Variants in SMARCA1 observed in about 807,000 individuals in gnomAD.
SMARCA1 encodes SNF2 related chromatin remodeling ATPase 1, also known as SWI/SNF-related matrix-associated actin-dependent regulator of chromatin subfamily A member 1.
A neutral mutation model predicts 93.6 loss-of-function variants in SMARCA1; 17 were observed. The observed-to-expected ratio is 0.18, with a 90% CI of 0.12 to 0.27. The LOEUF (loss-of-function observed/expected upper bound fraction) is 0.27. SMARCA1 is among the 10% of genes least tolerant of loss of function. The pLI is 1.00. For missense variants in SMARCA1, 630 were observed against 819.0 expected (o/e 0.77, Z 2.82); for synonymous variants, 271 against 271.4 (o/e 1.00, Z 0.01).
intron 23 of SMARCA1, among the ~76,000 whole-genome samples, chrX:129,460,415 C>T (rs1190596223): frequency 1.8e-5 from 2 of 109,804 alleles, no homozygotes; most frequent in South Asian, 4.0e-4. Flanking sequence ...TGGGAGACCG[C>T]GAGGTGGGAG....
chrX:129,513,317 G>A (rs1205914790), intron 5 of SMARCA1, among the ~76,000 whole-genome samples: 1 of 109,315 alleles, frequency 9.1e-6, no homozygotes, highest in Non-Finnish European at 1.9e-5. Context: ...CTGAAGTCAG[G>A]AGTTTGAGAA....
chrX:129,458,320 G>A (rs1381938558), intron 23 of SMARCA1, among the ~76,000 whole-genome samples: 2 of 112,100 alleles, frequency 1.8e-5, no homozygotes, highest in Admixed American at 9.5e-5. Flanking sequence ...ACAGGTGGGG[G>A]GCCACAGTTT....
chrX:129,485,027 T>C (rs1576284), intron 17 of SMARCA1, among the ~76,000 whole-genome samples: 6,389 of 112,053 alleles, frequency 0.057, 372 homozygotes, highest in African/African-American at 0.17. Flanking sequence ...AAATGTGAGG[T>C]TGGAACTCCT....
intron 19 of SMARCA1, among the ~76,000 whole-genome samples, chrX:129,480,298 A>T (rs753161320): frequency 8.9e-6 from 1 of 112,331 alleles, no homozygotes; most frequent in South Asian, 3.7e-4. Context: ...GGCTTTCAGC[A>T]ACGTATAGGC....
At chrX:129,454,043 A>T (rs1202845653) in intron 23 of SMARCA1, among the ~76,000 whole-genome samples, 1 of 111,978 alleles carries the variant, frequency 8.9e-6, no homozygotes, top group Non-Finnish European at 1.9e-5. Flanking sequence ...TTCAAACTAT[A>T]CTACAAGGCT....
At chrX:129,465,348 T>G (rs1044083615) in intron 23 of SMARCA1, among the ~76,000 whole-genome samples, 172 bp downstream of exon 23, 8 of 111,568 alleles carry the variant, frequency 7.2e-5, no homozygotes, top group Admixed American at 2.9e-4. Context: ...AAATATAGAT[T>G]CTGCACGTAT....
intron 1 of SMARCA1, among the ~76,000 whole-genome samples, chrX:129,520,305 G>C (rs1935344468): frequency 9.0e-6 from 1 of 110,522 alleles, no homozygotes; most frequent in Admixed American, 9.7e-5. Flanking sequence ...AAAATGGCTT[G>C]TTTTAAAGAC....
At chrX:129,504,835 A>G in intron 8 of SMARCA1, 33 bp from the exon 9 acceptor site, 1 of 952,130 alleles carries the variant, frequency 1.1e-6, no homozygotes, top group African/African-American at 1.9e-5. Context: ...CAATGAGTGC[A>G]CAGTTTTTTT....
chrX:129,489,321 CTT>C (rs1333866488), intron 15 of SMARCA1, among the ~76,000 whole-genome samples: 1 of 112,087 alleles, frequency 8.9e-6, no homozygotes, highest in Non-Finnish European at 1.9e-5. Flanking sequence ...AGGACAGAAA[CTT>C]TTTTTCATGT....
intron 19 of SMARCA1, among the ~76,000 whole-genome samples, chrX:129,471,873 G>A (rs772214095): frequency 1.8e-5 from 2 of 112,005 alleles, no homozygotes; most frequent in Non-Finnish European, 3.8e-5. Flanking sequence ...GAATATAAGA[G>A]GGAAGGGTAT....
Position 129,492,110 on chromosome X carries a change from T to C in SMARCA1, c.1663-17A>G, listed in dbSNP as rs374217022. The C allele has an allele frequency of 2.9e-5, 30 of 1,034,577 alleles. No homozygotes were observed. Among genetic ancestry groups the C allele is most frequent in the Non-Finnish European group, 3.6e-5 (27 of 748,089 alleles). The allele number at this position is 1,034,577 out of a possible 1,213,427, so 85.3% of individuals were successfully genotyped here. On this transcript the variant is annotated splice_polypyrimidine_tract_variant and intron_variant, in intron 13 of 24. Transcript: ENST00000371121. ...TATTGCTTCCTTTATTTTTTATTGA[T>C]AAAGGGATAGAAGAAAAAGAGAAAA...
At chrX:129,505,238 C>T (rs1408522472) in intron 8 of SMARCA1, among the ~76,000 whole-genome samples, 4 of 111,943 alleles carry the variant, frequency 3.6e-5, no homozygotes, top group African/African-American at 6.5e-5. Flanking sequence ...GGGCCAGGTA[C>T]GGTGGCTCAC....
In SMARCA1 at chrX:129,515,774, C is replaced by A; in HGVS notation, c.543G>T (p.Gly181=). 8.4e-7 allele frequency: 1 copy of A among 1,196,058 alleles called. No homozygotes were observed. The highest frequency in any genetic ancestry group is 1.1e-6 in the Non-Finnish European group (1 of 881,345). ...FEVSPSYVKG[G]PLRDYQIRGL... ...CTCGAATCTGATAATCTCTCAGTGG[C>A]CCCCCTTTCACATCTGGTGAAAAAA... is the stretch of plus-strand genomic sequence containing the variant. The change falls in exon 5 of 25, where the codon GGG becomes GGT. Residue 181 remains glycine (G), a synonymous_variant. Coordinates refer to ENST00000371121, the MANE Select transcript of SMARCA1 (RefSeq NM_001282874.2).
At chrX:129,480,943 A>C in intron 18 of SMARCA1, 129 bp from the exon 19 acceptor site, 1 of 568,181 alleles carries the variant, frequency 1.8e-6, no homozygotes, top group Non-Finnish European at 2.8e-6. Context: ...GCTGGGCCAA[A>C]TCAGATACTT....
chrX:129,518,482 G>T (rs1386374610), intron 1 of SMARCA1, 35 bp from the exon 2 acceptor site: 1 of 943,376 alleles, frequency 1.1e-6, no homozygotes, highest in South Asian at 2.1e-5. Context: ...TCACCAAATT[G>T]CAAAGCAAGG....
chrX:129,513,521 T>C (rs1468512100), intron 5 of SMARCA1, among the ~76,000 whole-genome samples: 1 of 92,812 alleles, frequency 1.1e-5, no homozygotes, highest in Non-Finnish European at 2.0e-5. Context: ...CAAAACTCCA[T>C]CTCAAAAAAA....
At chrX:129,452,495 T>G (rs1300359549) in intron 23 of SMARCA1, among the ~76,000 whole-genome samples, 1 of 112,490 alleles carries the variant, frequency 8.9e-6, no homozygotes, top group Non-Finnish European at 1.9e-5. Context: ...TATGTTCAAA[T>G]GTGTATGGGA....
At chrX:129,497,136 T>G (rs778079367) in intron 11 of SMARCA1, among the ~76,000 whole-genome samples, 11 of 110,896 alleles carry the variant, frequency 9.9e-5, no homozygotes, top group Non-Finnish European at 1.7e-4. Flanking sequence ...AAGATTGCCT[T>G]TACTTTTTCT....
intron 23 of SMARCA1, among the ~76,000 whole-genome samples, chrX:129,452,946 T>C (rs1932382144): frequency 8.9e-6 from 1 of 112,077 alleles, no homozygotes; most frequent in African/African-American, 3.2e-5. Context: ...AAGATCATTA[T>C]TATTATATCT....
Sources: allele counts gnomAD v4.1 joint callset (sites outside exome capture counted in the v4.1 genomes callset), GRCh38; gene constraint gnomAD v4.1.1; transcripts MANE v1.5; gene names NCBI Gene and HGNC (gene_info 2026-07-23, HGNC 2026-07-21).